NCKAP5: variants seen among roughly 807,000 people sequenced by gnomAD.
NCKAP5 encodes NCK associated protein 5.
NCKAP5 carries 92 observed loss-of-function variants against 167.0 expected under a neutral mutation model. That is an observed-to-expected ratio of 0.55 (90% CI 0.47 to 0.66). The LOEUF (loss-of-function observed/expected upper bound fraction) is 0.66. Among genes scored for constraint, NCKAP5 ranks in the 30% least tolerant of loss-of-function variants. The pLI, the probability that NCKAP5 is intolerant of heterozygous loss-of-function variation, is 0.00. For synonymous variants in NCKAP5, 891 were observed against 877.4 expected, an observed-to-expected ratio of 1.02 and a Z score of -0.27; for missense variants, 2,378 against 2,315.0, an observed-to-expected ratio of 1.03 and a Z score of -0.56.
At chr2:132,870,720 A>G (rs1690745615) in intron 9 of NCKAP5, among the ~76,000 whole-genome samples, 1 of 148,348 alleles carries the variant, frequency 6.7e-6, no homozygotes, top group Admixed American at 6.9e-5. Flanking sequence ...TTCTTTCTCT[A>G]TCTAGTATAG....
intron 3 of NCKAP5, among the ~76,000 whole-genome samples, chr2:133,412,117 AG>A (rs1369664792): frequency 2.6e-5 from 4 of 152,140 alleles, no homozygotes; most frequent in Non-Finnish European, 5.9e-5. Context: ...TTGAAATTCT[AG>A]CCCCCATGGT....
intron 3 of NCKAP5, among the ~76,000 whole-genome samples, chr2:133,470,806 A>T: frequency 6.6e-6 from 1 of 152,202 alleles, no homozygotes; most frequent in East Asian, 1.9e-4. Context: ...TTCTTTGACT[A>T]GGAAAGGGAA....
At chr2:133,025,815 A>T (rs2078676070) in intron 6 of NCKAP5, among the ~76,000 whole-genome samples, 1 of 152,186 alleles carries the variant, frequency 6.6e-6, no homozygotes, top group African/African-American at 2.4e-5. Flanking sequence ...AAAGGGTAGA[A>T]CATATTATTT....
chr2:133,669,762 A>G, the NCKAP5 span, among the ~76,000 whole-genome samples: 5 of 152,192 alleles, frequency 3.3e-5, no homozygotes, highest in African/African-American at 9.7e-5. Context: ...TTGTCCTAAC[A>G]GCAAAAATTA....
At chr2:133,410,522 T>C (rs1466787022) in intron 3 of NCKAP5, among the ~76,000 whole-genome samples, 2 of 152,230 alleles carry the variant, frequency 1.3e-5, no homozygotes, top group East Asian at 1.9e-4. Context: ...TCCTATAACA[T>C]AGCTATGCTG....
intron 11 of NCKAP5, among the ~76,000 whole-genome samples, chr2:132,846,088 T>C (rs997896321): frequency 6.6e-5 from 10 of 152,286 alleles, no homozygotes; most frequent in African/African-American, 2.2e-4. Context: ...GTTACTGATA[T>C]ATAAGAAATA....
Position 132,732,070 on chromosome 2 carries a change from GAGAGAAGGGAAT to G in NCKAP5, c.5129-31_5129-20del, listed in dbSNP as rs1434680439. 6.3e-6 allele frequency: 10 copies of G among 1,592,658 alleles called. No homozygotes were observed. The highest frequency in any genetic ancestry group is 8.6e-6 in the Non-Finnish European group (10 of 1,167,080). ...TTGGATTCTGAGATAGAGAGACAGA[GAGAGAAGGGAAT>G]AGAGAAGGCTCACATAAAAGGATAA... On this transcript the variant is annotated intron_variant, in intron 16 of 19. Coordinates refer to ENST00000409261, the MANE Select transcript of NCKAP5 (RefSeq NM_207363.3).
intron 3 of NCKAP5, among the ~76,000 whole-genome samples, chr2:133,329,869 A>G (rs1682710519): frequency 1.3e-5 from 2 of 151,992 alleles, no homozygotes; most frequent in Non-Finnish European, 2.9e-5. Context: ...ATCTTTTAAA[A>G]TAGGGATTCT....
intron 1 of NCKAP5, among the ~76,000 whole-genome samples, chr2:133,559,629 T>C (rs2105010708): frequency 6.6e-6 from 1 of 152,256 alleles, no homozygotes; most frequent in South Asian, 2.1e-4. Context: ...ACTGTTGAAA[T>C]TACTACATTT....
intron 5 of NCKAP5, among the ~76,000 whole-genome samples, chr2:133,207,141 C>T (rs1384947547): frequency 6.6e-6 from 1 of 152,098 alleles, no homozygotes; most frequent in South Asian, 2.1e-4. Context: ...TGCACCCCCT[C>T]CCCTTTTAAA....
rs530249004 is a variant in NCKAP5, at chr2:132,743,786, T to C, written c.5129-11735A>G. Among the ~76,000 whole-genome samples, 124 of 151,868 alleles carry C rather than the reference T, an allele frequency of 8.2e-4. 9 individuals are homozygous for C. In the South Asian group the frequency reaches 0.025, roughly 31 times the overall value. On this transcript the variant is annotated intron_variant, in intron 16 of 19. Coordinates refer to ENST00000409261, the MANE Select transcript of NCKAP5 (RefSeq NM_207363.3). ...TTGGTATACAAAATATACCTATTTATATGCTGTAGATAAAACATTCATTTT... is the reference window on the plus strand; with the variant it reads ...TTGGTATACAAAATATACCTATTTACATGCTGTAGATAAAACATTCATTTT...
At chr2:133,309,262 G>T (rs2150602532) in intron 3 of NCKAP5, among the ~76,000 whole-genome samples, 1 of 152,084 alleles carries the variant, frequency 6.6e-6, no homozygotes, top group East Asian at 1.9e-4. Context: ...TAAAGTAATG[G>T]ATATTATATA....
chr2:132,854,619 G>A (rs750632577), intron 11 of NCKAP5, among the ~76,000 whole-genome samples: 9 of 152,200 alleles, frequency 5.9e-5, no homozygotes, highest in East Asian at 1.9e-4. Context: ...CTCTGCAAGC[G>A]GAGCTAGGAT....
intron 4 of NCKAP5, among the ~76,000 whole-genome samples, chr2:133,219,474 A>T (rs1204129818): frequency 6.6e-6 from 1 of 152,232 alleles, no homozygotes; most frequent in Non-Finnish European, 1.5e-5. Context: ...TCCAAGGGAC[A>T]GTTCAGGGGC....
intron 3 of NCKAP5, among the ~76,000 whole-genome samples, chr2:133,359,930 TG>T (rs1684986356): frequency 6.6e-5 from 10 of 152,228 alleles, no homozygotes. Flanking sequence ...AGGTGGAAAC[TG>T]AGGGCGAAAT....
chr2:133,115,577 G>T (rs914210368), intron 6 of NCKAP5, among the ~76,000 whole-genome samples: 1 of 151,530 alleles, frequency 6.6e-6, no homozygotes, highest in African/African-American at 2.4e-5. Context: ...TCAAAACAAG[G>T]TTTATTAAGA....
chr2:133,055,046 C>G (rs1257288738), intron 6 of NCKAP5, among the ~76,000 whole-genome samples: 1 of 152,072 alleles, frequency 6.6e-6, no homozygotes, highest in Admixed American at 6.6e-5. Flanking sequence ...CTTGACTCAA[C>G]CATTATAATT....
chr2:133,540,478 C>T (rs1317757234), intron 2 of NCKAP5, among the ~76,000 whole-genome samples: 3 of 152,186 alleles, frequency 2.0e-5, no homozygotes, highest in South Asian at 4.2e-4. Flanking sequence ...ACTTTTTAGA[C>T]TTACTAAAAA....
At chr2:132,761,856 G>A (rs1185222853) in intron 16 of NCKAP5, among the ~76,000 whole-genome samples, 2 of 152,104 alleles carry the variant, frequency 1.3e-5, no homozygotes, top group Admixed American at 6.5e-5. Flanking sequence ...TGTAATATAT[G>A]CATGTACATG....
Sources: allele counts gnomAD v4.1 joint callset (sites outside exome capture counted in the v4.1 genomes callset), GRCh38; gene constraint gnomAD v4.1.1; transcripts MANE v1.5; gene names NCBI Gene and HGNC (gene_info 2026-07-23, HGNC 2026-07-21).